ZNF280D: variants seen among roughly 807,000 people sequenced by gnomAD.
The protein encoded by ZNF280D is zinc finger protein 280D.
In ZNF280D, 39 loss-of-function variants were observed where a neutral mutation model predicts 94.7. That is an observed-to-expected ratio of 0.41 (90% confidence interval 0.32 to 0.54). The LOEUF (loss-of-function observed/expected upper bound fraction) is 0.54. Ranked by LOEUF, ZNF280D falls within the 20% of genes least tolerant of loss-of-function variation. ZNF280D has a pLI of 0.22. For missense variants in ZNF280D, 1,090 were observed against 1,149.3 expected (o/e 0.95, Z 0.75); for synonymous variants, 398 against 377.6 (o/e 1.05, Z -0.63).
chr15:56,658,616 G>A, intron 16 of ZNF280D, 130 bp from the exon 17 acceptor site: 1 of 582,476 alleles, frequency 1.7e-6, no homozygotes, highest in Non-Finnish European at 2.9e-6. Context: ...ATAAAATAAT[G>A]CCTGTCACTT....
chr15:56,696,933 T>C (rs1394607512), intron 6 of ZNF280D, among the ~76,000 whole-genome samples: 2 of 152,244 alleles, frequency 1.3e-5, no homozygotes, highest in Non-Finnish European at 2.9e-5. Context: ...GAAAGGAATC[T>C]AATTCCTAAC....
At chr15:56,726,654 C>T (rs2058643939) in intron 1 of ZNF280D, among the ~76,000 whole-genome samples, 1 of 152,126 alleles carries the variant, frequency 6.6e-6, no homozygotes, top group Admixed American at 6.5e-5. Flanking sequence ...ATAGGACTGC[C>T]TAAAAGAATA....
intron 14 of ZNF280D, 59 bp from the exon 15 acceptor site, chr15:56,667,045 T>C (rs1442469887): frequency 1.6e-6 from 2 of 1,253,450 alleles, no homozygotes; most frequent in Non-Finnish European, 2.1e-6. Context: ...AATATTAAAA[T>C]ATCATGGTAC....
intron 17 of ZNF280D, among the ~76,000 whole-genome samples, chr15:56,657,483 G>A (rs776671039): frequency 3.3e-5 from 5 of 151,996 alleles, no homozygotes; most frequent in African/African-American, 7.2e-5. Flanking sequence ...CAATGCAAAC[G>A]CATCAAGGTT....
At chr15:56,654,677 T>C in intron 17 of ZNF280D, 174 bp from the exon 18 acceptor site, 1 of 654,880 alleles carries the variant, frequency 1.5e-6, no homozygotes, top group South Asian at 1.7e-5. Context: ...GACATAGCCA[T>C]GTCCAAATTA....
intron 19 of ZNF280D, among the ~76,000 whole-genome samples, chr15:56,644,529 G>C (rs1439955559): frequency 6.6e-6 from 1 of 152,010 alleles, no homozygotes; most frequent in Non-Finnish European, 1.5e-5. Context: ...TTTAAATTCA[G>C]TTTGAAAAAC....
At chr15:56,701,796 C>T (rs1167814850) in intron 4 of ZNF280D, among the ~76,000 whole-genome samples, 5 of 151,960 alleles carry the variant, frequency 3.3e-5, no homozygotes, top group Non-Finnish European at 5.9e-5. Flanking sequence ...TCAGAGATTG[C>T]AGACTAAAGT....
At chr15:56,684,194 G>T (rs1450039597) in intron 9 of ZNF280D, among the ~76,000 whole-genome samples, 1 of 152,176 alleles carries the variant, frequency 6.6e-6, no homozygotes, top group Non-Finnish European at 1.5e-5. Context: ...CTAGCAAGCT[G>T]TGAGACTATC....
Position 56,684,921 on chromosome 15 carries a change from T to C in ZNF280D, c.781-2444A>G, listed in dbSNP as rs533328138. 3.1e-4 allele frequency among the ~76,000 whole-genome samples: 47 copies of C among 152,224 alleles called. No homozygotes were observed. In the South Asian group the frequency reaches 7.9e-3, roughly 26 times the overall value. On this transcript the variant is annotated intron_variant, in intron 9 of 21. Coordinates refer to ENST00000267807, the MANE Select transcript of ZNF280D (RefSeq NM_017661.4). ...ACCCAAAATTCCCAACACCAAGTTATATCATTATAAAATTATCAGTCTTCA... is the reference window on the plus strand; with the variant it reads ...ACCCAAAATTCCCAACACCAAGTTACATCATTATAAAATTATCAGTCTTCA...
chr15:56,719,886 TA>T (rs35398429), intron 1 of ZNF280D, among the ~76,000 whole-genome samples: 31,891 of 101,708 alleles, frequency 0.31, 3,876 homozygotes, highest in Admixed American at 0.42. Flanking sequence ...ACTTTATTGC[TA>T]AAAAAAAAAA....
intron 1 of ZNF280D, among the ~76,000 whole-genome samples, chr15:56,731,143 A>C (rs2058861574): frequency 6.6e-6 from 1 of 152,218 alleles, no homozygotes; most frequent in Non-Finnish European, 1.5e-5. Flanking sequence ...AAACACTATC[A>C]GGAGGAACTA....
chr15:56,718,938 TA>T (rs1387256319), intron 1 of ZNF280D, among the ~76,000 whole-genome samples: 1 of 152,222 alleles, frequency 6.6e-6, no homozygotes, highest in Non-Finnish European at 1.5e-5. Context: ...TAATTTTCTA[TA>T]CACCAATAGT....
At chr15:56,632,484 T>C (rs1481507299) in intron 21 of ZNF280D, among the ~76,000 whole-genome samples, 1 of 146,518 alleles carries the variant, frequency 6.8e-6, no homozygotes, top group African/African-American at 2.5e-5. Context: ...AAAAAATCTA[T>C]ATTTTTTTAT....
intron 19 of ZNF280D, among the ~76,000 whole-genome samples, chr15:56,648,074 T>C (rs1182947617): frequency 6.6e-6 from 1 of 152,144 alleles, no homozygotes; most frequent in Admixed American, 6.5e-5. Context: ...GGATTAAATG[T>C]GTGGGTTCTA....
chr15:56,708,681 C>G (rs1362489453), intron 1 of ZNF280D, among the ~76,000 whole-genome samples: 2 of 152,116 alleles, frequency 1.3e-5, no homozygotes, highest in Non-Finnish European at 2.9e-5. Context: ...TGGAACAGAA[C>G]AGAGCCCTCA....
chr15:56,726,754 G>C (rs1164661170), intron 1 of ZNF280D, among the ~76,000 whole-genome samples: 4 of 152,118 alleles, frequency 2.6e-5, no homozygotes, highest in Admixed American at 6.5e-5. Flanking sequence ...CAAAAATATT[G>C]CATCAATTTT....
intron 20 of ZNF280D, among the ~76,000 whole-genome samples, chr15:56,638,276 T>C (rs1425677347): frequency 2.6e-5 from 4 of 152,164 alleles, no homozygotes; most frequent in Non-Finnish European, 4.4e-5. Flanking sequence ...AAGGGGCCAA[T>C]AAGTTCCAAA....
At chr15:56,655,628 TCTAA>T (rs1181388414) in intron 17 of ZNF280D, among the ~76,000 whole-genome samples, 2 of 152,234 alleles carry the variant, frequency 1.3e-5, no homozygotes, top group Non-Finnish European at 2.9e-5. Flanking sequence ...CCTCACTGGA[TCTAA>T]CTGTTTAGCA....
chr15:56,645,375 C>T (rs534872069), intron 19 of ZNF280D: 2 of 152,286 alleles, frequency 1.3e-5, no homozygotes, highest in East Asian at 3.9e-4. Context: ...GACTGGTGAT[C>T]AATTTCAACA....
Sources: gnomAD v4.1 joint callset for allele counts (sites outside exome capture counted in the v4.1 genomes callset) on GRCh38, gnomAD v4.1.1 for gene constraint, MANE v1.5 for transcripts, NCBI Gene and HGNC (gene_info 2026-07-23, HGNC 2026-07-21) for gene names.